The following FASTKD1 variants were observed in gnomAD, a reference collection of about 807,000 sequenced individuals.
FASTKD1 encodes FAST kinase domain-containing protein 1, mitochondrial.
Under a neutral mutation model 90.9 loss-of-function variants are expected in FASTKD1, and 94 were observed. The ratio of observed to expected loss-of-function variants is 1.03; its 90% confidence interval spans 0.88 to 1.23. The LOEUF (loss-of-function observed/expected upper bound fraction) is 1.23. FASTKD1 is among the 50% of genes most tolerant of loss of function. The probability of loss-of-function intolerance (pLI) is 0.00; values close to 1 mark genes in which losing one functional copy is unlikely to be tolerated. For missense variants in FASTKD1, 945 were observed against 993.5 expected, an observed-to-expected ratio of 0.95 and a Z score of 0.66; for synonymous variants, 319 against 345.8, an observed-to-expected ratio of 0.92 and a Z score of 0.86.
At chr2:169,562,981 A>G (rs1683777946) in intron 4 of FASTKD1, among the ~76,000 whole-genome samples, 3 of 152,178 alleles carry the variant, frequency 2.0e-5, no homozygotes, top group Admixed American at 2.0e-4. Context: ...GCAAATAGGT[A>G]AAAACTCAGA....
chr2:169,568,652 AAAAAGAGAGACAG>A, intron 3 of FASTKD1, among the ~76,000 whole-genome samples: 1 of 147,992 alleles, frequency 6.8e-6, no homozygotes, highest in Non-Finnish European at 1.5e-5. Context: ...AAAAAAAAAA[AAAAAGAGAGACAG>A]AAAAAGAGAG....
rs1013151191 is a variant in FASTKD1 at position 169,544,782 on chromosome 2, A to T, written c.1755T>A (p.Tyr585Ter). ...AAAATTCATCCCTTTGAGGTGGATC[A>T]TAGTTCAATACGCTGAATGGACGAA... is the stretch of plus-strand genomic sequence containing the variant. ...AIIRPFSVLN[Y>*]DPPQRDEFLG... Residue 585 changes from tyrosine (Y) to a stop codon, truncating the protein, a stop_gained, in exon 9 of 15, where the codon TAT becomes TAA. Coordinates refer to ENST00000453153, the MANE Select transcript of FASTKD1 (RefSeq NM_024622.6). LOFTEE classifies it high-confidence loss of function. 1 of 1,613,320 alleles carries T rather than the reference A, an allele frequency of 6.2e-7. No homozygotes were observed. The highest frequency in any genetic ancestry group is 2.2e-5 in the East Asian group (1 of 44,852).
At chr2:169,560,230 T>A in intron 5 of FASTKD1, 157 bp downstream of exon 5, 2 of 454,598 alleles carry the variant, frequency 4.4e-6, no homozygotes, top group Non-Finnish European at 7.6e-6. Context: ...ATTAGAATAA[T>A]CAGAAAAAGA....
chr2:169,562,128 ATTAT>A (rs529948251), intron 4 of FASTKD1, among the ~76,000 whole-genome samples: 32 of 130,726 alleles, frequency 2.4e-4, no homozygotes, highest in African/African-American at 6.5e-4. Context: ...TTGTAAATTA[ATTAT>A]TTATTAATTT....
In FASTKD1 at chr2:169,546,446, T is replaced by C. The variant is rs201362319; in HGVS notation, c.1473A>G (p.Leu491=). Residue 491 remains leucine, a synonymous_variant, in exon 8 of 15, where the codon CTA becomes CTG. Coordinates refer to ENST00000453153, the MANE Select transcript of FASTKD1 (RefSeq NM_024622.6). ...ACAGATCCAAACTGTTGCTGTGTTG[T>C]AGTCTCTGACGACCATAGTGATCTA... The part of the protein sequence containing the change: ...QKLDHYGRQR[L]QHSNSLDLLR... 1 of 1,614,224 alleles carries C rather than the reference T, an allele frequency of 6.2e-7. No homozygotes were observed. Among genetic ancestry groups the C allele is most frequent in the East Asian group, 2.2e-5 (1 of 44,880 alleles).
At chr2:169,564,952 CT>C (rs557658819) in intron 3 of FASTKD1, among the ~76,000 whole-genome samples, 11,509 of 108,816 alleles carry the variant, frequency 0.11, 367 homozygotes, top group African/African-American at 0.21. Flanking sequence ...CCACATTTTT[CT>C]TTTTTTTTTT....
intron 12 of FASTKD1, among the ~76,000 whole-genome samples, chr2:169,535,579 T>C (rs1020298325): frequency 1.3e-5 from 2 of 152,118 alleles, no homozygotes; most frequent in African/African-American, 2.4e-5. Context: ...GCTGAGACTA[T>C]GTGTATGAGC....
intron 8 of FASTKD1, among the ~76,000 whole-genome samples, chr2:169,545,917 G>A (rs1270076915): frequency 6.6e-6 from 1 of 152,118 alleles, no homozygotes; most frequent in Non-Finnish European, 1.5e-5. Flanking sequence ...ACAAATCGCT[G>A]AAATAGAAAC....
intron 12 of FASTKD1, among the ~76,000 whole-genome samples, chr2:169,534,453 T>C (rs1299243047): frequency 1.3e-5 from 2 of 148,818 alleles, no homozygotes; most frequent in African/African-American, 2.5e-5. Context: ...TTCTGTTGTT[T>C]TTTTTTTTTC....
chr2:169,560,707 T>C lies in FASTKD1; in HGVS notation c.651A>G (p.Glu217=). Residue 217 remains glutamate, a synonymous_variant, in exon 5 of 15, where the codon GAA becomes GAG. Transcript: ENST00000453153. ...HFQQQLVNKT[E]LLFDTIDSSE... ...AAGAATCTATGGTGTCAAAAAGAAG[T>C]TCTGTTTTGTTCACCAGTTGTTGTT... 6.2e-7 allele frequency: 1 copy of C among 1,609,010 alleles called. No individual in the cohort carries two copies. The highest frequency in any genetic ancestry group is 1.1e-5 in the South Asian group (1 of 89,468).
intron 5 of FASTKD1, among the ~76,000 whole-genome samples, chr2:169,558,823 A>G (rs979262665): frequency 1.3e-5 from 2 of 151,944 alleles, no homozygotes; most frequent in African/African-American, 4.8e-5. Context: ...TCCCGACTTC[A>G]AGTGATCTGC....
At chr2:169,545,758 C>T (rs1234555883) in intron 8 of FASTKD1, among the ~76,000 whole-genome samples, 1 of 151,978 alleles carries the variant, frequency 6.6e-6, no homozygotes, top group Non-Finnish European at 1.5e-5. Flanking sequence ...AAAAGTAAAA[C>T]CAAAAATCAT....
In FASTKD1 at chr2:169,571,931, G is replaced by A. The variant is rs2105448343; in HGVS notation, c.99C>T (p.Pro33=). ...PFSWRVFQFR[P]ISCEPLIIQM... ...GAATAATTAGTGGTTCACAACTGATGGGTCGAAATTGAAACACTCTCCAGG... is the reference window on the plus strand; with the variant it reads ...GAATAATTAGTGGTTCACAACTGATAGGTCGAAATTGAAACACTCTCCAGG... Residue 33 remains proline (P), a synonymous_variant, in exon 2 of 15, where the codon CCC becomes CCT. Coordinates refer to ENST00000453153, the MANE Select transcript of FASTKD1 (RefSeq NM_024622.6). The A allele has an allele frequency of 6.2e-7, 1 of 1,613,982 alleles. No individual in the cohort carries two copies. The highest frequency in any genetic ancestry group is 2.2e-5 in the East Asian group (1 of 44,846).
At chr2:169,551,635 A>G (rs1377565993) in intron 7 of FASTKD1, among the ~76,000 whole-genome samples, 1 of 152,100 alleles carries the variant, frequency 6.6e-6, no homozygotes, top group Non-Finnish European at 1.5e-5. Flanking sequence ...CATCTCTACT[A>G]AAAATACAAA....
At chr2:169,544,093 G>A (rs1253296015) in intron 9 of FASTKD1, among the ~76,000 whole-genome samples, 2 of 152,062 alleles carry the variant, frequency 1.3e-5, no homozygotes, top group Non-Finnish European at 2.9e-5. Flanking sequence ...AATTAGGGAT[G>A]GAGGGTCACA....
chr2:169,544,425 G>T (rs1685092013), intron 9 of FASTKD1, among the ~76,000 whole-genome samples: 1 of 151,982 alleles, frequency 6.6e-6, no homozygotes, highest in African/African-American at 2.4e-5. Context: ...CAAAAAATTA[G>T]CCGGGTGTGG....
At chr2:169,542,283 A>C (rs945707795) in intron 9 of FASTKD1, among the ~76,000 whole-genome samples, 1 of 152,198 alleles carries the variant, frequency 6.6e-6, no homozygotes, top group African/African-American at 2.4e-5. Flanking sequence ...AAGTACATGG[A>C]AAGTGTTGAC....
chr2:169,531,683 C>A, intron 12 of FASTKD1, 193 bp from the exon 13 acceptor site: 1 of 504,682 alleles, frequency 2.0e-6, no homozygotes. Context: ...GGAAATCAAT[C>A]AATAAAAAAA....
At chr2:169,544,387 T>G (rs552911875) in intron 9 of FASTKD1, among the ~76,000 whole-genome samples, 5 of 152,152 alleles carry the variant, frequency 3.3e-5, no homozygotes. Context: ...CTGGCCAACA[T>G]GGTGAAACCC....
Sources: gnomAD v4.1 joint callset for allele counts (sites outside exome capture counted in the v4.1 genomes callset) on GRCh38, gnomAD v4.1.1 for gene constraint, MANE v1.5 for transcripts, NCBI Gene and HGNC (gene_info 2026-07-23, HGNC 2026-07-21) for gene names.